The following LSAMP variants were observed in gnomAD, a reference collection of about 807,000 sequenced individuals.
LSAMP encodes limbic system associated membrane protein, also known as limbic system-associated membrane protein.
In LSAMP, 7 loss-of-function variants were observed where a neutral mutation model predicts 38.6. That is an observed-to-expected ratio of 0.18 (90% CI 0.10 to 0.34). LSAMP has a LOEUF of 0.34. Among genes scored for constraint, LSAMP ranks in the 10% least tolerant of loss-of-function variants. The probability of loss-of-function intolerance (pLI) is 1.00; values close to 1 mark genes in which losing one functional copy is unlikely to be tolerated. For missense variants in LSAMP, 313 were observed against 420.0 expected (o/e 0.75, Z 2.23); for synonymous variants, 154 against 166.8 (o/e 0.92, Z 0.59).
intron 1 of LSAMP, among the ~76,000 whole-genome samples, chr3:116,136,498 A>T (rs1046912681): frequency 1.3e-5 from 2 of 152,150 alleles, no homozygotes; most frequent in African/African-American, 4.8e-5. Context: ...TCGCTTGTGT[A>T]TTGGGAATAT....
At chr3:116,208,935 G>A (rs1202009972) in intron 1 of LSAMP, among the ~76,000 whole-genome samples, 2 of 152,232 alleles carry the variant, frequency 1.3e-5, no homozygotes, top group African/African-American at 4.8e-5. Context: ...CACCCAGTTG[G>A]AGCTTCCCGG....
At chr3:115,999,810 C>T (rs1939936320) in intron 3 of LSAMP, among the ~76,000 whole-genome samples, 1 of 152,124 alleles carries the variant, frequency 6.6e-6, no homozygotes, top group Non-Finnish European at 1.5e-5. Context: ...AAGCTGAATG[C>T]CTTTCCTAGG....
intron 1 of LSAMP, among the ~76,000 whole-genome samples, chr3:116,259,337 G>T (rs1247202175): frequency 2.0e-5 from 3 of 151,990 alleles, no homozygotes; most frequent in Non-Finnish European, 4.4e-5. Context: ...TATAAAATAT[G>T]GTTTGTTTGT....
At chr3:115,835,025 C>T (rs1374722714) in intron 6 of LSAMP, among the ~76,000 whole-genome samples, 5 of 152,156 alleles carry the variant, frequency 3.3e-5, no homozygotes, top group Non-Finnish European at 5.9e-5. Flanking sequence ...CTTCTTTCCT[C>T]TCTCTAAGCC....
chr3:116,343,200 AAGACAGG>A (rs888006837), intron 1 of LSAMP, among the ~76,000 whole-genome samples: 3 of 152,132 alleles, frequency 2.0e-5, no homozygotes, highest in Admixed American at 2.0e-4. Flanking sequence ...TGGATTTGGA[AAGACAGG>A]TTATCTTGCT....
chr3:116,337,891 C>A (rs1217648273), intron 1 of LSAMP, among the ~76,000 whole-genome samples: 1 of 151,972 alleles, frequency 6.6e-6, no homozygotes, highest in Non-Finnish European at 1.5e-5. Context: ...GGGTTCCAGA[C>A]ATCTTCATTT....
intron 3 of LSAMP, among the ~76,000 whole-genome samples, chr3:115,893,236 T>A (rs1214651014): frequency 6.6e-6 from 1 of 151,970 alleles, no homozygotes; most frequent in African/African-American, 2.4e-5. Context: ...CCATGGCCTG[T>A]GTATACCTAT....
Position 116,019,390 on chromosome 3 carries a change from T to C in LSAMP, c.514+125A>G, listed in dbSNP as rs943434449. 12 of 1,216,576 alleles carry C rather than the reference T, an allele frequency of 9.9e-6. No homozygotes were observed. The African/African-American group carries it at 1.8e-4, about 19-fold the overall frequency. The allele number at this position is 1,216,576 out of a possible 1,614,324, so 75.4% of individuals were successfully genotyped here. The stretch of plus-strand genomic sequence containing the variant: ...TAATAACAAGATAGATGCATGACCT[T>C]CTGATTCAACAGAATTTCAATTCTG... On this transcript the variant is annotated intron_variant, in intron 3 of 6. Coordinates refer to ENST00000490035, the MANE Select transcript of LSAMP (RefSeq NM_002338.5).
At chr3:116,280,756 A>G (rs1041106919) in intron 1 of LSAMP, among the ~76,000 whole-genome samples, 2 of 152,190 alleles carry the variant, frequency 1.3e-5, no homozygotes, top group African/African-American at 4.8e-5. Flanking sequence ...TCACTCTATC[A>G]TGATTCTCAG....
chr3:116,332,930 A>T (rs1389832116), intron 1 of LSAMP, among the ~76,000 whole-genome samples: 2 of 152,108 alleles, frequency 1.3e-5, no homozygotes, highest in African/African-American at 2.4e-5. Context: ...TGTTCAATAC[A>T]GTAGGAAGAT....
chr3:115,958,350 A>G (rs1938519516), intron 3 of LSAMP, among the ~76,000 whole-genome samples: 1 of 152,210 alleles, frequency 6.6e-6, no homozygotes, highest in Non-Finnish European at 1.5e-5. Flanking sequence ...ATTACAAATA[A>G]CTATAGGGTA....
chr3:116,110,956 A>G (rs1164736910), intron 1 of LSAMP, among the ~76,000 whole-genome samples: 2 of 151,516 alleles, frequency 1.3e-5, no homozygotes, highest in Non-Finnish European at 2.9e-5. Context: ...GTAATGGAAA[A>G]TTACAGTCAA....
chr3:116,244,107 C>A (rs1326464163), intron 1 of LSAMP, among the ~76,000 whole-genome samples: 23 of 152,152 alleles, frequency 1.5e-4, no homozygotes, highest in Admixed American at 1.5e-3. Flanking sequence ...CTCAACTTCC[C>A]TTCCATTTAC....
intron 3 of LSAMP, among the ~76,000 whole-genome samples, chr3:115,857,467 ATGG>A (rs1216849437): frequency 6.6e-6 from 1 of 152,210 alleles, no homozygotes; most frequent in Admixed American, 6.5e-5. Flanking sequence ...GACGAGTTCT[ATGG>A]CCACAATTTG....
chr3:116,158,152 C>T (rs1369706500), intron 1 of LSAMP, among the ~76,000 whole-genome samples: 1 of 152,116 alleles, frequency 6.6e-6, no homozygotes, highest in Non-Finnish European at 1.5e-5. Flanking sequence ...TAAAAGTCAA[C>T]ATCCCTTTGT....
At chr3:116,212,934 A>G (rs987189549) in intron 1 of LSAMP, among the ~76,000 whole-genome samples, 2 of 152,184 alleles carry the variant, frequency 1.3e-5, no homozygotes, top group Non-Finnish European at 2.9e-5. Context: ...TCTGAGTAAA[A>G]ATGTAAAGAC....
chr3:116,214,487 G>A (rs113733240), intron 1 of LSAMP, among the ~76,000 whole-genome samples: 1 of 145,422 alleles, frequency 6.9e-6, no homozygotes, highest in Admixed American at 6.9e-5. Context: ...CAAATAAAGA[G>A]TAAAAATGGG....
At chr3:116,007,873 G>A (rs935334496) in intron 3 of LSAMP, among the ~76,000 whole-genome samples, 1 of 152,056 alleles carries the variant, frequency 6.6e-6, no homozygotes, top group African/African-American at 2.4e-5. Flanking sequence ...CTACATTTTT[G>A]GGCCCCACAC....
intron 1 of LSAMP, among the ~76,000 whole-genome samples, chr3:116,428,839 T>C (rs1189816238): frequency 6.6e-6 from 1 of 152,232 alleles, no homozygotes; most frequent in Non-Finnish European, 1.5e-5. Context: ...TTAATATCCA[T>C]AGATGTTTCC....
Sources: gnomAD v4.1 joint callset for allele counts (sites outside exome capture counted in the v4.1 genomes callset) on GRCh38, gnomAD v4.1.1 for gene constraint, MANE v1.5 for transcripts, NCBI Gene and HGNC (gene_info 2026-07-23, HGNC 2026-07-21) for gene names.